IWS1: variants seen among roughly 807,000 people sequenced by gnomAD.
IWS1 encodes the protein protein IWS1 homolog.
A neutral mutation model predicts 86.7 loss-of-function variants in IWS1; 27 were observed. The observed-to-expected ratio is 0.31, with a 90% CI of 0.23 to 0.43. The LOEUF is 0.43. Among genes scored for constraint, IWS1 ranks in the 20% least tolerant of loss-of-function variants. The pLI is 1.00. For synonymous variants in IWS1, 313 were observed against 335.1 expected (o/e 0.93, Z 0.72); for missense variants, 827 against 1,000.8 (o/e 0.83, Z 2.34).
At chr2:127,511,674 TA>T (rs1372001013) in intron 2 of IWS1, among the ~76,000 whole-genome samples, 7 of 152,150 alleles carry the variant, frequency 4.6e-5, no homozygotes, top group African/African-American at 1.7e-4. Context: ...ACCTGCAGCA[TA>T]AAAAAGACAC....
chr2:127,518,939 T>C (rs1691932405), intron 2 of IWS1, among the ~76,000 whole-genome samples: 1 of 152,184 alleles, frequency 6.6e-6, no homozygotes, highest in East Asian at 1.9e-4. Context: ...ATATTTAAAA[T>C]GTGAAGACAG....
Position 127,489,114 on chromosome 2 carries a change from T to C in IWS1, c.2216+65A>G. The C allele has an allele frequency of 8.7e-7, 1 of 1,152,500 alleles. No homozygotes were observed. The highest frequency in any genetic ancestry group is 1.3e-6 in the Non-Finnish European group (1 of 781,482). The allele number at this position is 1,152,500 out of a possible 1,614,324, so 71.4% of individuals were successfully genotyped here. A position where few individuals can be genotyped will look rare whatever the true frequency, so the allele number is the denominator to read the frequency against. On this transcript the variant is annotated intron_variant, in intron 12 of 13. Transcript: ENST00000295321. This position sits in a 1 kb window ranked among gnomAD's most constrained non-coding sequence, Gnocchi z 4.8. ...ATAACATCATTTCATTTACTACTTT[T>C]CTTAAAGCAGCAAACGGAAATTCTC...
At chr2:127,513,650 A>C (rs923068859) in intron 2 of IWS1, among the ~76,000 whole-genome samples, 1 of 152,214 alleles carries the variant, frequency 6.6e-6, no homozygotes, top group African/African-American at 2.4e-5. Flanking sequence ...TTTTTAGTAC[A>C]TTTTGAGTTA....
At position 127,526,154 on chromosome 2, in the gene IWS1, TC is replaced by T; in HGVS notation, c.34+20del. ...GTAACTGCTCCGCCTCCCAGCCCGG[TC>T]CCCCAGGTCCCTGCCCCACCTGACT... On this transcript the variant is annotated intron_variant, in intron 1 of 13. Coordinates refer to ENST00000295321, the MANE Select transcript of IWS1 (RefSeq NM_017969.3). 1.3e-6 allele frequency: 2 copies of T among 1,591,450 alleles called. No homozygotes were observed. The highest frequency in any genetic ancestry group is 1.7e-6 in the Non-Finnish European group (2 of 1,168,542).
At chr2:127,486,492 G>T in intron 13 of IWS1, 61 bp downstream of exon 13, 1 of 1,172,332 alleles carries the variant, frequency 8.5e-7, no homozygotes, top group Non-Finnish European at 1.3e-6. Context: ...AACACATGAA[G>T]TAAAGAGTCA....
At position 127,496,185 on chromosome 2, in the gene IWS1, G is replaced by A. The variant is rs202225677; in HGVS notation, c.1566-37C>T. ...AACAAAAGCAAGTGAAATACAAGTTGTCTTTTAAATACACATTTACTTTCA... is the reference window on the plus strand; with the variant it reads ...AACAAAAGCAAGTGAAATACAAGTTATCTTTTAAATACACATTTACTTTCA... On this transcript the variant is annotated intron_variant, in intron 6 of 13. Transcript: ENST00000295321. 3 of 1,584,500 alleles carry A rather than the reference G, an allele frequency of 1.9e-6. No individual in the cohort carries two copies. The South Asian group carries it at 3.4e-5, about 18-fold the overall frequency.
At chr2:127,512,114 C>T (rs909963687) in intron 2 of IWS1, among the ~76,000 whole-genome samples, 14 of 152,174 alleles carry the variant, frequency 9.2e-5, no homozygotes, top group African/African-American at 3.4e-4. Flanking sequence ...TCTCACACTC[C>T]ATTTTTTCCT....
chr2:127,487,089 T>C (rs920152712), intron 12 of IWS1, among the ~76,000 whole-genome samples: 14 of 152,348 alleles, frequency 9.2e-5, no homozygotes, highest in Admixed American at 8.5e-4. Flanking sequence ...ACTCCCAGTA[T>C]GCCTATAAAG....
Position 127,480,917 on chromosome 2 carries a change from T to C in IWS1, c.*127A>G, listed in dbSNP as rs533605916. 3.6e-3 allele frequency: 3,583 copies of C among 1,007,724 alleles called. 10 individuals carry two copies. Among genetic ancestry groups the C allele is most frequent in the Non-Finnish European group, 4.3e-3 (3,016 of 695,008 alleles). 62.4% of individuals were successfully genotyped at this position (1,007,724 alleles called of 1,614,324 possible). A position where few individuals can be genotyped will look rare whatever the true frequency, so the allele number is the denominator to read the frequency against. Reference sequence around the variant, plus strand: ...ATATAACTGAGAGAAATGTGAGTCCTATGACAACATCTGATACACGCTGAA... The same window carrying C: ...ATATAACTGAGAGAAATGTGAGTCCCATGACAACATCTGATACACGCTGAA... On this transcript the variant is annotated 3_prime_UTR_variant, in exon 14 of 14. Coordinates refer to ENST00000295321, the MANE Select transcript of IWS1 (RefSeq NM_017969.3).
chr2:127,518,109 C>T (rs1242506815), intron 2 of IWS1, among the ~76,000 whole-genome samples: 2 of 152,152 alleles, frequency 1.3e-5, no homozygotes, highest in Non-Finnish European at 2.9e-5. Flanking sequence ...ACAGCAAAAG[C>T]GTTTCTTAGG....
intron 13 of IWS1, among the ~76,000 whole-genome samples, chr2:127,485,595 C>T (rs1689886095): frequency 6.6e-6 from 1 of 152,060 alleles, no homozygotes; most frequent in South Asian, 2.1e-4. Context: ...TAACAAAAAC[C>T]TTTTTCATAA....
chr2:127,526,254 C>T lies in IWS1; in HGVS notation c.-46G>A. ...GGAGTGTCCGCGCCCCGCGCCGCCC[C>T]CGTCACCTCCTTCCAGGCGGTGTGA... On this transcript the variant is annotated 5_prime_UTR_variant, in exon 1 of 14. Transcript: ENST00000295321. 6.5e-7 allele frequency: 1 copy of T among 1,549,652 alleles called. No homozygotes were observed. The highest frequency in any genetic ancestry group is 8.7e-7 in the Non-Finnish European group (1 of 1,148,022).
At chr2:127,498,006 T>C (rs1690604011) in intron 6 of IWS1, 134 bp downstream of exon 6, 2 of 632,382 alleles carry the variant, frequency 3.2e-6, no homozygotes, top group Non-Finnish European at 2.7e-6. Flanking sequence ...GACAACACCG[T>C]AAATGGAGAA....
intron 10 of IWS1, among the ~76,000 whole-genome samples, chr2:127,490,229 TAA>T (rs531896343): frequency 5.3e-5 from 8 of 152,356 alleles, no homozygotes; most frequent in African/African-American, 1.7e-4. Context: ...TGACATTTCA[TAA>T]AAGACATTTA....
chr2:127,504,814 A>G lies in IWS1; in HGVS notation c.1089T>C (p.Ser363=), dbSNP rs778893309. The change falls in exon 3 of 14, where the codon TCT becomes TCC. Residue 363 remains serine, a synonymous_variant. Transcript: ENST00000295321. ...SHMDRKKFHS[S]DSEEEEHKKQ... ...TTTTGTGTTCTTCCTCCTCACTATC[A>G]GAACTGTGAAACTTTTTTCTGTCCA... is the stretch of plus-strand genomic sequence containing the variant. 1.2e-6 allele frequency: 2 copies of G among 1,614,096 alleles called. No individual in the cohort carries two copies. The highest frequency in any genetic ancestry group is 1.7e-6 in the Non-Finnish European group (2 of 1,180,026).
chr2:127,485,709 A>C (rs1242834485), intron 13 of IWS1, among the ~76,000 whole-genome samples: 1 of 152,204 alleles, frequency 6.6e-6, no homozygotes, highest in Non-Finnish European at 1.5e-5. Context: ...CAATTTCTAA[A>C]TATTCAAGAG....
At chr2:127,497,121 C>T (rs997085157) in intron 6 of IWS1, among the ~76,000 whole-genome samples, 3 of 152,162 alleles carry the variant, frequency 2.0e-5, no homozygotes, top group African/African-American at 2.4e-5. Context: ...TGTTGTTAAG[C>T]GACGCATGAC....
rs754580365 is a variant in IWS1, at chr2:127,505,799, A to C, written c.151-47T>G. The C allele has an allele frequency of 4.1e-6, 5 of 1,215,826 alleles. No individual in the cohort carries two copies. The highest frequency in any genetic ancestry group is 2.4e-5 in the East Asian group (1 of 41,978). 75.3% of individuals were successfully genotyped at this position (1,215,826 alleles called of 1,614,324 possible). On this transcript the variant is annotated intron_variant, in intron 2 of 13. Coordinates refer to ENST00000295321, the MANE Select transcript of IWS1 (RefSeq NM_017969.3). The surrounding 1 kb of genome is among the most constrained non-coding windows in gnomAD (Gnocchi z 5.0). ...AATTAGGAAAGTGCAAAAAAAAAAA[A>C]ACCATTAATAATAAAACATTAAATT... is the stretch of plus-strand genomic sequence containing the variant.
chr2:127,493,145 G>A (rs768616267), intron 9 of IWS1, 136 bp downstream of exon 9: 2 of 706,702 alleles, frequency 2.8e-6, no homozygotes, highest in Non-Finnish European at 4.3e-6. Flanking sequence ...TATTAGATAT[G>A]TTCCTTTTTT....
Sources: allele counts gnomAD v4.1 joint callset (sites outside exome capture counted in the v4.1 genomes callset), GRCh38; gene constraint gnomAD v4.1.1; non-coding constraint Gnocchi (gnomAD v3.1); transcripts MANE v1.5; gene names NCBI Gene and HGNC (gene_info 2026-07-23, HGNC 2026-07-21).